Variants in GPHN observed in about 807,000 individuals in gnomAD.
The protein encoded by GPHN is gephyrin.
In GPHN, 17 loss-of-function variants were observed where a neutral mutation model predicts 95.5. The ratio of observed to expected loss-of-function variants is 0.18; its 90% confidence interval spans 0.12 to 0.27. The LOEUF is 0.27. Ranked by LOEUF, GPHN falls within the 10% of genes least tolerant of loss-of-function variation. The pLI is 1.00. For missense variants in GPHN, 660 were observed against 978.1 expected (o/e 0.67, Z 4.34); for synonymous variants, 320 against 322.5 (o/e 0.99, Z 0.08).
At chr14:67,393,150 C>G in the GPHN span, 1 of 1,608,872 alleles carries the variant, frequency 6.2e-7, no homozygotes, top group African/African-American at 1.3e-5. Context: ...ACAGGCTCAC[C>G]GAGGAAGGTC....
chr14:67,204,019 A>G, the GPHN span, among the ~76,000 whole-genome samples: 2 of 152,196 alleles, frequency 1.3e-5, no homozygotes, highest in South Asian at 4.2e-4. Context: ...GCCCATTCAG[A>G]CGTTTTTATA....
At chr14:66,747,078 G>T (rs2058180626) in intron 2 of GPHN, among the ~76,000 whole-genome samples, 1 of 152,108 alleles carries the variant, frequency 6.6e-6, no homozygotes, top group South Asian at 2.1e-4. Context: ...CTCAGTTCTG[G>T]GTTTCTGGCT....
chr14:67,013,654 T>C (rs1419612341), intron 9 of GPHN, among the ~76,000 whole-genome samples: 1 of 152,042 alleles, frequency 6.6e-6, no homozygotes, highest in Non-Finnish European at 1.5e-5. Flanking sequence ...TTGTACATCT[T>C]TCATGTGCCT....
In GPHN at chr14:66,799,884, A is replaced by C. The variant is rs535655217; in HGVS notation, c.201+23363A>C. ...TCTCTGGTTGTTTTGTGGTCTTTTCATCCTGTCTTTCTTTAGTGAAGATGA... is the reference window on the plus strand; with the variant it reads ...TCTCTGGTTGTTTTGTGGTCTTTTCCTCCTGTCTTTCTTTAGTGAAGATGA... On this transcript the variant is annotated intron_variant, in intron 3 of 22. Transcript: ENST00000478722. 9.2e-5 allele frequency among the ~76,000 whole-genome samples: 14 copies of C among 151,624 alleles called. No homozygotes were observed. In the East Asian group the frequency reaches 2.7e-3, roughly 29 times the overall value.
At chr14:67,312,812 G>A in the GPHN span, 9 of 936,400 alleles carry the variant, frequency 9.6e-6, no homozygotes, top group African/African-American at 1.5e-4. Context: ...ATTTAATAAA[G>A]TATTCCAGTT....
At chr14:66,940,471 C>T (rs2067362455) in intron 8 of GPHN, among the ~76,000 whole-genome samples, 1 of 152,122 alleles carries the variant, frequency 6.6e-6, no homozygotes, top group African/African-American at 2.4e-5. Context: ...CAGGGTGCCA[C>T]CCATAGGTTT....
intron 8 of GPHN, among the ~76,000 whole-genome samples, chr14:66,935,835 A>G (rs2067103694): frequency 6.6e-6 from 1 of 152,122 alleles, no homozygotes; most frequent in African/African-American, 2.4e-5. Flanking sequence ...TTAATTGAAT[A>G]CCAATCATTC....
intron 3 of GPHN, among the ~76,000 whole-genome samples, chr14:66,787,205 A>G (rs2059807350): frequency 6.6e-6 from 1 of 152,174 alleles, no homozygotes; most frequent in Admixed American, 6.5e-5. Context: ...TCTATATACT[A>G]TAAACAAACA....
intron 1 of GPHN, among the ~76,000 whole-genome samples, chr14:66,642,272 A>G (rs964817399): frequency 6.6e-6 from 1 of 152,182 alleles, no homozygotes; most frequent in Non-Finnish European, 1.5e-5. Context: ...CCTTAAGAGC[A>G]GAGAAGTTTT....
At chr14:67,333,103 A>G in the GPHN span, 1 of 651,510 alleles carries the variant, frequency 1.5e-6, no homozygotes, top group Non-Finnish European at 2.5e-6. Context: ...TGAATTAGTG[A>G]GACGACAGTT....
chr14:67,378,122 C>CT, the GPHN span, among the ~76,000 whole-genome samples: 1 of 144,422 alleles, frequency 6.9e-6, no homozygotes, highest in East Asian at 2.1e-4. Flanking sequence ...GACCTTGTCT[C>CT]TTAAAAAAAA....
Position 67,024,997 on chromosome 14 carries a change from C to CA in GPHN, c.1006+1329dup, listed in dbSNP as rs149221691. On this transcript the variant is annotated intron_variant, in intron 10 of 22. Transcript: ENST00000478722. ...TGGCAAGGCGCAGTGGCTCACACCT[C>CA]AAAAAAATAAATTCCTCTGAGCCCC... Among the ~76,000 whole-genome samples the CA allele has an allele frequency of 7.1e-3, 1,077 of 152,126 alleles. 5 individuals carry two copies. Among genetic ancestry groups the CA allele is most frequent in the African/African-American group, 0.025 (1,028 of 41,500 alleles).
intron 8 of GPHN, among the ~76,000 whole-genome samples, chr14:66,925,365 T>C (rs960604168): frequency 2.2e-4 from 34 of 152,268 alleles, no homozygotes; most frequent in Admixed American, 1.8e-3. Context: ...CTAGATCTTA[T>C]CCATTGTATC....
chr14:67,057,991 A>G (rs2075672758), intron 10 of GPHN, among the ~76,000 whole-genome samples: 1 of 152,236 alleles, frequency 6.6e-6, no homozygotes. Context: ...AAACTTTTGT[A>G]AGATTATATC....
the GPHN span, chr14:67,340,657 A>T: frequency 1.4e-6 from 1 of 713,184 alleles, no homozygotes; most frequent in South Asian, 1.8e-5. Flanking sequence ...GGAAAATAAA[A>T]ACACAAAGAA....
At chr14:67,416,105 A>G in the GPHN span, among the ~76,000 whole-genome samples, 1 of 152,268 alleles carries the variant, frequency 6.6e-6, no homozygotes, top group Non-Finnish European at 1.5e-5. Flanking sequence ...AAACCTGCAC[A>G]TCCCGCACAT....
the GPHN span, chr14:67,227,753 AT>A: frequency 6.6e-6 from 1 of 152,134 alleles, no homozygotes; most frequent in African/African-American, 2.4e-5. Flanking sequence ...TTTTAATTTT[AT>A]TTTTTGTTTA....
intron 2 of GPHN, among the ~76,000 whole-genome samples, chr14:66,702,511 T>C (rs922130988): frequency 6.6e-6 from 1 of 152,032 alleles, no homozygotes; most frequent in African/African-American, 2.4e-5. Context: ...ACCAAATGAA[T>C]AGGGCCTGAA....
the GPHN span, chr14:67,571,683 C>T: frequency 1.6e-5 from 25 of 1,534,740 alleles, no homozygotes; most frequent in Non-Finnish European, 2.0e-5. Flanking sequence ...ACCAGGAGTG[C>T]AAGCTGCAGG....
Sources: gnomAD v4.1 joint callset for allele counts (sites outside exome capture counted in the v4.1 genomes callset) on GRCh38, gnomAD v4.1.1 for gene constraint, MANE v1.5 for transcripts, NCBI Gene and HGNC (gene_info 2026-07-23, HGNC 2026-07-21) for gene names.